MID1: variants seen among roughly 807,000 people sequenced by gnomAD.
The protein encoded by MID1 is midline 1, also known as E3 ubiquitin-protein ligase Midline-1.
Under a neutral mutation model 40.4 loss-of-function variants are expected in MID1, and 7 were observed. The ratio of observed to expected loss-of-function variants is 0.17; its 90% CI spans 0.10 to 0.33. MID1 has a LOEUF of 0.33. MID1 is among the 10% of genes least tolerant of loss of function. The pLI is 1.00. For synonymous variants in MID1, 229 were observed against 221.2 expected (o/e 1.04, Z -0.31); for missense variants, 367 against 558.5 (o/e 0.66, Z 3.46).
chrX:10,609,078 C>T (rs954218401), intron 1 of MID1, among the ~76,000 whole-genome samples: 2 of 110,559 alleles, frequency 1.8e-5, no homozygotes, highest in Admixed American at 9.6e-5. Flanking sequence ...ATAATTTGTC[C>T]GAAAAGGGTA....
At chrX:10,580,058 G>T (rs540664123) in intron 1 of MID1, among the ~76,000 whole-genome samples, 1 of 110,588 alleles carries the variant, frequency 9.0e-6, no homozygotes, top group South Asian at 3.9e-4. Flanking sequence ...AGTTTCTCCA[G>T]GTGGCACAGA....
chrX:10,599,739 G>C (rs971846921), intron 1 of MID1, among the ~76,000 whole-genome samples: 2 of 112,346 alleles, frequency 1.8e-5, no homozygotes, highest in African/African-American at 6.5e-5. Flanking sequence ...ATATCACTGT[G>C]AGAAGAATTG....
chrX:10,809,895 C>A (rs2044083897), intron 1 of MID1, among the ~76,000 whole-genome samples: 1 of 109,573 alleles, frequency 9.1e-6, no homozygotes, highest in Non-Finnish European at 1.9e-5. Flanking sequence ...TGCACATGTA[C>A]CCTAGAACTT....
intron 1 of MID1, among the ~76,000 whole-genome samples, chrX:10,708,215 C>T (rs5979347): frequency 0.094 from 10,608 of 112,314 alleles, 768 homozygotes; most frequent in African/African-American, 0.25. Flanking sequence ...GTATACCACA[C>T]ATTAACATTT....
chrX:10,784,653 C>G (rs113913731), intron 1 of MID1, among the ~76,000 whole-genome samples: 5,959 of 109,162 alleles, frequency 0.055, 434 homozygotes, highest in African/African-American at 0.19. Context: ...ACCATATTGA[C>G]CAGGCTGGTC....
chrX:10,631,219 T>G (rs1936049038), intron 1 of MID1, among the ~76,000 whole-genome samples: 1 of 112,352 alleles, frequency 8.9e-6, no homozygotes, highest in African/African-American at 3.2e-5. Flanking sequence ...TGTGATAAGT[T>G]GGCCCATCTG....
At chrX:10,683,202 G>A (rs184188578) in intron 1 of MID1, among the ~76,000 whole-genome samples, 3 of 111,690 alleles carry the variant, frequency 2.7e-5, no homozygotes, top group Non-Finnish European at 3.8e-5. Flanking sequence ...TGATTCTCTA[G>A]AAATAAAAAG....
intron 1 of MID1, among the ~76,000 whole-genome samples, chrX:10,584,150 G>A (rs1029578817): frequency 1.8e-5 from 2 of 111,615 alleles, no homozygotes; most frequent in African/African-American, 6.5e-5. Flanking sequence ...CATGGCAAAA[G>A]AGCAGGAGAG....
intron 3 of MID1, among the ~76,000 whole-genome samples, chrX:10,509,868 G>A (rs1187018756): frequency 1.8e-5 from 2 of 112,065 alleles, no homozygotes; most frequent in African/African-American, 6.5e-5. Flanking sequence ...AGTGCTGCAT[G>A]CTAAACGCAG....
chrX:10,501,304 A>C, intron 3 of MID1: 3 of 804,112 alleles, frequency 3.7e-6, no homozygotes, highest in Non-Finnish European at 5.3e-6. Flanking sequence ...TTCTCACCTC[A>C]AGTACACTCA....
At chrX:10,783,686 A>G (rs781481354) in intron 1 of MID1, among the ~76,000 whole-genome samples, 1 of 112,528 alleles carries the variant, frequency 8.9e-6, no homozygotes, top group African/African-American at 3.2e-5. Context: ...TACACAATTT[A>G]GTTTAGAATA....
chrX:10,791,718 G>A (rs2043932405), intron 1 of MID1, among the ~76,000 whole-genome samples: 1 of 110,964 alleles, frequency 9.0e-6, no homozygotes. Flanking sequence ...GTTTAGGAAG[G>A]TTTAAGTAAT....
At chrX:10,458,868 A>G (rs1428108087) in intron 8 of MID1, among the ~76,000 whole-genome samples, 2 of 111,838 alleles carry the variant, frequency 1.8e-5, no homozygotes, top group Non-Finnish European at 3.8e-5. Flanking sequence ...CCATACCGAC[A>G]CACTCCAATT....
At chrX:10,795,252 G>C (rs2043960174) in intron 1 of MID1, among the ~76,000 whole-genome samples, 2 of 112,441 alleles carry the variant, frequency 1.8e-5, no homozygotes, top group African/African-American at 6.5e-5. Flanking sequence ...GATATGAAAA[G>C]CTAAGAAAAA....
chrX:10,612,321 G>A (rs1356870942), intron 1 of MID1, among the ~76,000 whole-genome samples: 1 of 111,728 alleles, frequency 9.0e-6, no homozygotes, highest in African/African-American at 3.3e-5. Context: ...ATTGACCACT[G>A]AAAAGGAACT....
At chrX:10,764,543 T>G (rs2147122627) in intron 1 of MID1, among the ~76,000 whole-genome samples, 1 of 111,928 alleles carries the variant, frequency 8.9e-6, no homozygotes, top group East Asian at 2.8e-4. Context: ...ATCTCTTGGG[T>G]TTATCTTTTA....
At chrX:10,634,061 A>G (rs768813405) in intron 1 of MID1, among the ~76,000 whole-genome samples, 2 of 111,523 alleles carry the variant, frequency 1.8e-5, no homozygotes, top group Admixed American at 9.6e-5. Context: ...ATGACCTCAC[A>G]ATAGAAGGAT....
intron 1 of MID1, among the ~76,000 whole-genome samples, chrX:10,638,440 T>G (rs950978040): frequency 9.0e-6 from 1 of 111,530 alleles, no homozygotes; most frequent in Non-Finnish European, 1.9e-5. Context: ...AACTGCAAGG[T>G]GGCAGCGAGG....
intron 1 of MID1, among the ~76,000 whole-genome samples, chrX:10,832,324 A>G (rs745504032): frequency 7.1e-5 from 8 of 112,690 alleles, no homozygotes; most frequent in Non-Finnish European, 1.3e-4. Flanking sequence ...TTTGAAATCA[A>G]TAGTCTCACT....
Sources: gnomAD v4.1 joint callset for allele counts (sites outside exome capture counted in the v4.1 genomes callset) on GRCh38, gnomAD v4.1.1 for gene constraint, MANE v1.5 for transcripts, NCBI Gene and HGNC (gene_info 2026-07-23, HGNC 2026-07-21) for gene names.